Variants in PAQR3 observed in about 807,000 individuals in gnomAD.
PAQR3 encodes the protein Raf kinase trapping to Golgi.
Under a neutral mutation model 41.7 loss-of-function variants are expected in PAQR3, and 39 were observed. That is an observed-to-expected ratio of 0.93 (90% CI 0.72 to 1.22). The LOEUF (loss-of-function observed/expected upper bound fraction) is 1.22. PAQR3 is among the 50% of genes most tolerant of loss of function. PAQR3 has a pLI of 0.00. For missense variants in PAQR3, 366 were observed against 385.6 expected (o/e 0.95, Z 0.42); for synonymous variants, 140 against 140.6 (o/e 1.00, Z 0.03).
chr4:78,905,164 G>A (rs760558357), intron 11 of PAQR3, among the ~76,000 whole-genome samples: 2 of 151,624 alleles, frequency 1.3e-5, no homozygotes, highest in Non-Finnish European at 3.0e-5. Flanking sequence ...TAACCCTTTC[G>A]TTAAGTTTTG....
chr4:78,919,624 T>C lies in PAQR3; in HGVS notation c.*915A>G. 12 of 985,096 alleles carry C rather than the reference T, an allele frequency of 1.2e-5. No individual in the cohort carries two copies. The highest frequency in any genetic ancestry group is 1.4e-5 in the Non-Finnish European group (12 of 829,782). 61.0% of individuals were successfully genotyped at this position (985,096 alleles called of 1,614,324 possible). A position where few individuals can be genotyped will look rare whatever the true frequency, so the allele number is the denominator to read the frequency against. ...AGGGTCAAGACAGGGCCATCTAGAT[T>C]CTATGGCCTTGCAAGTAGCACCCAC... On this transcript the variant is annotated 3_prime_UTR_variant, in exon 6 of 6. Transcript: ENST00000512733.
Position 78,917,169 on chromosome 4 carries a change from T to C in PAQR3, c.*3370A>G, listed in dbSNP as rs975969922. On this transcript the variant is annotated 3_prime_UTR_variant, in exon 6 of 6. Transcript: ENST00000512733. ...TATTTATTTTGGATAACGAATACCTTTTTAAGGAAGCCCAGGTCAAGCATC... is the reference window on the plus strand; with the variant it reads ...TATTTATTTTGGATAACGAATACCTCTTTAAGGAAGCCCAGGTCAAGCATC... The C allele has an allele frequency of 5.3e-5, 8 of 152,000 alleles. No individual in the cohort carries two copies. Among genetic ancestry groups the C allele is most frequent in the African/African-American group, 1.9e-4 (8 of 41,440 alleles). The allele number at this position is 152,000 out of a possible 1,614,324, so 9.4% of individuals were successfully genotyped here. A position where few individuals can be genotyped will look rare whatever the true frequency, so the allele number is the denominator to read the frequency against.
chr4:78,938,888 G>T (rs1286760202), intron 1 of PAQR3, 152 bp downstream of exon 1: 7 of 645,982 alleles, frequency 1.1e-5, no homozygotes, highest in Non-Finnish European at 1.9e-5. Context: ...GGGAGATAAC[G>T]GGGGAGGAGA....
At chr4:78,911,798 C>A (rs761572078), downstream of PAQR3, 1 of 1,613,972 alleles carries the variant, frequency 6.2e-7, no homozygotes, top group Non-Finnish European at 8.5e-7. Flanking sequence ...TGGCACCCTC[C>A]ACATCAGGGC....
At chr4:78,911,642 G>A (rs1458362640), downstream of PAQR3, 2 of 1,613,864 alleles carry the variant, frequency 1.2e-6, no homozygotes, top group Non-Finnish European at 1.7e-6. Flanking sequence ...TCTCAAAGTA[G>A]CAATGAATTT....
In PAQR3 at chr4:78,918,623, T is replaced by C. The variant is rs975391809; in HGVS notation, c.*1916A>G. ...GGATTTAAAAACACAGTATACTCTT[T>C]TCATGTTATTAATTCAAATGGCAAG... On this transcript the variant is annotated 3_prime_UTR_variant, in exon 6 of 6. Coordinates refer to ENST00000512733, the MANE Select transcript of PAQR3 (RefSeq NM_001040202.2). The C allele has an allele frequency of 1.0e-6, 1 of 957,202 alleles. No individual in the cohort carries two copies. The highest frequency in any genetic ancestry group is 1.8e-5 in the African/African-American group (1 of 56,418). 59.3% of individuals were successfully genotyped at this position (957,202 alleles called of 1,614,324 possible).
At chr4:78,934,449 G>A (rs2110170340) in intron 2 of PAQR3, among the ~76,000 whole-genome samples, 1 of 152,270 alleles carries the variant, frequency 6.6e-6, no homozygotes, top group Non-Finnish European at 1.5e-5. Flanking sequence ...TATGTTCTCT[G>A]AAGCAGAAAA....
chr4:78,910,865 A>G, downstream of PAQR3: 1 of 1,613,978 alleles, frequency 6.2e-7, no homozygotes. Context: ...GGAGATTTTA[A>G]TGATGATGAT....
At chr4:78,922,621 G>A (rs777165421) in intron 5 of PAQR3, among the ~76,000 whole-genome samples, 1 of 151,882 alleles carries the variant, frequency 6.6e-6, no homozygotes, top group African/African-American at 2.4e-5. Flanking sequence ...AGGGCTGGGG[G>A]ACATAGTAAT....
intron 2 of PAQR3, chr4:78,933,324 A>G: frequency 2.2e-6 from 1 of 454,894 alleles, no homozygotes; most frequent in South Asian, 1.6e-5. Flanking sequence ...ATTCTTCTCC[A>G]AAATACAAAT....
chr4:78,922,185 G>T, intron 5 of PAQR3: 1 of 1,033,598 alleles, frequency 9.7e-7, no homozygotes, highest in Non-Finnish European at 1.2e-6. Context: ...AAGATGGGTG[G>T]TCTTCAATTC....
At chr4:78,890,320 A>G (rs1296722446) in intron 11 of PAQR3, among the ~76,000 whole-genome samples, 4 of 152,018 alleles carry the variant, frequency 2.6e-5, no homozygotes, top group Non-Finnish European at 4.4e-5. Flanking sequence ...AACAATAGCT[A>G]TGGACTTTCT....
intron 11 of PAQR3, among the ~76,000 whole-genome samples, chr4:78,894,939 G>A (rs775454378): frequency 6.6e-6 from 1 of 152,152 alleles, no homozygotes; most frequent in Non-Finnish European, 1.5e-5. Context: ...AGGAAAGGGA[G>A]AGAGACACGG....
chr4:78,889,220 CAAAAAAAAAA>C (rs71661191), intron 11 of PAQR3, among the ~76,000 whole-genome samples: 3 of 53,754 alleles, frequency 5.6e-5, no homozygotes, highest in South Asian at 6.4e-4. Context: ...GACTCTGTCT[CAAAAAAAAAA>C]AAAAAAAAAA....
intron 11 of PAQR3, among the ~76,000 whole-genome samples, chr4:78,895,318 C>G (rs1286476722): frequency 6.6e-6 from 1 of 152,134 alleles, no homozygotes; most frequent in Non-Finnish European, 1.5e-5. Context: ...CTTTTTAAAG[C>G]ATAGGGTTTA....
At chr4:78,909,325 C>T (rs528364550), downstream of PAQR3, among the ~76,000 whole-genome samples, 37 of 151,612 alleles carry the variant, frequency 2.4e-4, no homozygotes, top group South Asian at 1.3e-3. Context: ...GGTGAGCCAC[C>T]GCACCCAGCC....
intron 3 of PAQR3, among the ~76,000 whole-genome samples, chr4:78,929,145 G>A (rs1736555748): frequency 6.6e-6 from 1 of 152,214 alleles, no homozygotes; most frequent in Non-Finnish European, 1.5e-5. Context: ...GACAGCTTCT[G>A]GGGGTTGGTG....
At position 78,917,865 on chromosome 4, in the gene PAQR3, A is replaced by ATCT. The variant is rs1435643639; in HGVS notation, c.*2671_*2673dup. The ATCT allele has an allele frequency of 7.1e-6, 7 of 985,360 alleles. No individual in the cohort carries two copies. In the African/African-American group the frequency reaches 1.2e-4, roughly 17 times the overall value. The allele number at this position is 985,360 out of a possible 1,614,324, so 61.0% of individuals were successfully genotyped here. On this transcript the variant is annotated 3_prime_UTR_variant, in exon 6 of 6. Coordinates refer to ENST00000512733, the MANE Select transcript of PAQR3 (RefSeq NM_001040202.2). ...ATAAGATGTGACAGACATTCCCTGA[A>ATCT]TCTTCGTTCCTGATTCTAAAATATG...
chr4:78,897,254 G>A (rs1453025844), intron 11 of PAQR3, among the ~76,000 whole-genome samples: 1 of 151,872 alleles, frequency 6.6e-6, no homozygotes. Flanking sequence ...ACATCTTGGG[G>A]AAAAGTGCAG....
Sources: allele counts gnomAD v4.1 joint callset (sites outside exome capture counted in the v4.1 genomes callset), GRCh38; gene constraint gnomAD v4.1.1; transcripts MANE v1.5; gene names NCBI Gene and HGNC (gene_info 2026-07-23, HGNC 2026-07-21).